Variants in LRP1B observed in about 807,000 individuals in gnomAD.
LRP1B encodes low-density lipoprotein receptor-related protein 1B.
LRP1B carries 217 observed loss-of-function variants against 556.6 expected under a neutral mutation model. The ratio of observed to expected loss-of-function variants is 0.39; its 90% CI spans 0.35 to 0.44. The LOEUF (loss-of-function observed/expected upper bound fraction) is 0.44. Ranked by LOEUF, LRP1B falls within the 20% of genes least tolerant of loss-of-function variation. LRP1B has a pLI of 1.00. For synonymous variants in LRP1B, 2,047 were observed against 1,865.8 expected (o/e 1.10, Z -2.50); for missense variants, 5,053 against 5,620.8 (o/e 0.90, Z 3.23).
intron 1 of LRP1B, among the ~76,000 whole-genome samples, chr2:141,983,054 A>G (rs1017782621): frequency 6.6e-6 from 1 of 152,198 alleles, no homozygotes; most frequent in African/African-American, 2.4e-5. Flanking sequence ...AGGAAAGAGA[A>G]AAGACAATGA....
intron 35 of LRP1B, among the ~76,000 whole-genome samples, chr2:140,766,122 T>C (rs185509743): frequency 1.6e-3 from 246 of 151,822 alleles, no homozygotes; most frequent in Non-Finnish European, 2.8e-3. Flanking sequence ...ATGTCATTAA[T>C]GGAAGAAGAG....
chr2:141,924,078 G>C (rs1056628415), intron 1 of LRP1B, among the ~76,000 whole-genome samples: 1 of 152,004 alleles, frequency 6.6e-6, no homozygotes, highest in Admixed American at 6.6e-5. Context: ...GTGGGAACAG[G>C]CATTTCTGTT....
chr2:141,923,576 G>C (rs1700256817), intron 1 of LRP1B, among the ~76,000 whole-genome samples: 1 of 148,486 alleles, frequency 6.7e-6, no homozygotes, highest in African/African-American at 2.5e-5. Flanking sequence ...CAAATTTCCA[G>C]TTGCCCTATA....
intron 2 of LRP1B, among the ~76,000 whole-genome samples, chr2:141,702,713 A>C (rs1348300198): frequency 1.3e-5 from 2 of 151,772 alleles, no homozygotes; most frequent in Non-Finnish European, 2.9e-5. Flanking sequence ...TGGATTATTG[A>C]AAAAAAAGTC....
At position 140,386,494 on chromosome 2, in the gene LRP1B, T is replaced by C. The variant is rs1327734802; in HGVS notation, c.10415-485A>G. On this transcript the variant is annotated intron_variant, in intron 66 of 90. Transcript: ENST00000389484. Reference sequence around the variant, plus strand: ...AACTGATCTGTGATTAGTTGTTCTTTCTAAATCCTGTCCACTGCCCACTCA... The same window carrying C: ...AACTGATCTGTGATTAGTTGTTCTTCCTAAATCCTGTCCACTGCCCACTCA... Among the ~76,000 whole-genome samples, 18 of 152,334 alleles carry C rather than the reference T, an allele frequency of 1.2e-4. 1 individual carries two copies. Among genetic ancestry groups the C allele is most frequent in the Non-Finnish European group, 7.3e-5 (5 of 68,034 alleles).
At chr2:140,920,136 A>G (rs1359109892) in intron 21 of LRP1B, among the ~76,000 whole-genome samples, 1 of 151,982 alleles carries the variant, frequency 6.6e-6, no homozygotes, top group African/African-American at 2.4e-5. Flanking sequence ...CTTTTCCACG[A>G]CAGAGTGACT....
chr2:141,174,082 G>GA (rs773777993), intron 7 of LRP1B, among the ~76,000 whole-genome samples: 26 of 148,712 alleles, frequency 1.7e-4, no homozygotes, highest in East Asian at 1.2e-3. Context: ...TGCTCCAAAA[G>GA]AAAAAAAAAG....
chr2:141,215,800 A>G (rs750010798), intron 6 of LRP1B, among the ~76,000 whole-genome samples: 1 of 152,214 alleles, frequency 6.6e-6, no homozygotes, highest in Non-Finnish European at 1.5e-5. Context: ...GCTGCTTCTG[A>G]CAACCAATAC....
At chr2:141,890,365 ATATATATAGTG>A (rs1282011517) in intron 1 of LRP1B, among the ~76,000 whole-genome samples, 14 of 105,184 alleles carry the variant, frequency 1.3e-4, no homozygotes, top group Admixed American at 2.2e-4. Flanking sequence ...TTGTGCATAT[ATATATATAGTG>A]TGTATACATA....
At chr2:141,125,034 A>C (rs1209166609) in intron 7 of LRP1B, among the ~76,000 whole-genome samples, 1 of 152,190 alleles carries the variant, frequency 6.6e-6, no homozygotes. Context: ...ATAATAAAAC[A>C]AAAGATATGG....
At chr2:140,386,287 A>G (rs1026781051) in intron 66 of LRP1B, among the ~76,000 whole-genome samples, 3 of 152,182 alleles carry the variant, frequency 2.0e-5, no homozygotes, top group Non-Finnish European at 4.4e-5. Context: ...TAAAAAATCA[A>G]AATTGGCCAG....
intron 1 of LRP1B, among the ~76,000 whole-genome samples, chr2:141,909,798 C>A (rs1255864757): frequency 6.6e-6 from 1 of 151,812 alleles, no homozygotes; most frequent in East Asian, 1.9e-4. Flanking sequence ...AACTGGTAGA[C>A]CTATTGTGTA....
chr2:141,832,055 C>A (rs1212205583), intron 1 of LRP1B, among the ~76,000 whole-genome samples: 1 of 151,598 alleles, frequency 6.6e-6, no homozygotes, highest in African/African-American at 2.4e-5. Flanking sequence ...CTGTAATATT[C>A]TTTTCTCATT....
At chr2:141,711,603 C>T (rs972997256) in intron 2 of LRP1B, among the ~76,000 whole-genome samples, 6 of 152,138 alleles carry the variant, frequency 3.9e-5, no homozygotes, top group Admixed American at 1.3e-4. Flanking sequence ...GCATTTCTAG[C>T]AATACCCCTG....
chr2:140,314,823 G>T (rs561279965), intron 83 of LRP1B, 112 bp downstream of exon 83: 2 of 705,318 alleles, frequency 2.8e-6, no homozygotes, highest in African/African-American at 1.8e-5. Context: ...TATTGTGTTA[G>T]TCTATTGTTC....
At chr2:140,510,117 A>C in intron 51 of LRP1B, 61 bp from the exon 52 acceptor site, 2 of 1,563,846 alleles carry the variant, frequency 1.3e-6, no homozygotes, top group Non-Finnish European at 1.7e-6. Context: ...AATGTCTACC[A>C]TTTACATTTT....
rs563987023 is a variant in LRP1B at position 141,065,839 on chromosome 2, C to T, written c.1014-3566G>A. 8.6e-5 allele frequency among the ~76,000 whole-genome samples: 13 copies of T among 151,910 alleles called. No individual in the cohort carries two copies. In the South Asian group the frequency reaches 1.2e-3, roughly 15 times the overall value. The stretch of plus-strand genomic sequence containing the variant: ...CCTAGTCTCTTTTTCAGCATCTCCC[C>T]GCACCAGGAACCAAGGGCCCCCAGG... On this transcript the variant is annotated intron_variant, in intron 7 of 90. Transcript: ENST00000389484.
chr2:141,298,408 T>C (rs1686262791), intron 3 of LRP1B, among the ~76,000 whole-genome samples: 1 of 152,122 alleles, frequency 6.6e-6, no homozygotes, highest in Non-Finnish European at 1.5e-5. Flanking sequence ...GACCTGGAGA[T>C]TGAGTTCCAG....
intron 3 of LRP1B, among the ~76,000 whole-genome samples, chr2:141,261,304 T>C (rs2105351603): frequency 6.6e-6 from 1 of 152,338 alleles, no homozygotes; most frequent in Admixed American, 6.5e-5. Flanking sequence ...TACAAGAAGA[T>C]AGAGCAGCGA....
Sources: allele counts gnomAD v4.1 joint callset (sites outside exome capture counted in the v4.1 genomes callset), GRCh38; gene constraint gnomAD v4.1.1; transcripts MANE v1.5; gene names NCBI Gene and HGNC (gene_info 2026-07-23, HGNC 2026-07-21).